THSD4: variants seen among roughly 807,000 people sequenced by gnomAD.
THSD4 encodes the protein thrombospondin type 1 domain containing 4, also known as thrombospondin type-1 domain-containing protein 4.
A neutral mutation model predicts 119.0 loss-of-function variants in THSD4; 69 were observed. The observed-to-expected ratio is 0.58, with a 90% confidence interval of 0.48 to 0.71. The LOEUF (loss-of-function observed/expected upper bound fraction) is 0.71. THSD4 is among the 30% of genes least tolerant of loss of function. THSD4 has a pLI of 0.00. For missense variants in THSD4, 1,393 were observed against 1,391.1 expected (o/e 1.00, Z -0.02); for synonymous variants, 524 against 540.4 (o/e 0.97, Z 0.42).
chr15:71,726,361 C>T (rs777773144), intron 8 of THSD4, among the ~76,000 whole-genome samples: 34 of 152,064 alleles, frequency 2.2e-4, no homozygotes, highest in Non-Finnish European at 3.8e-4. Context: ...TGTAGGAACG[C>T]GGCTGAAAAA....
At chr15:71,622,050 A>G (rs1280694428) in intron 7 of THSD4, among the ~76,000 whole-genome samples, 1 of 152,150 alleles carries the variant, frequency 6.6e-6, no homozygotes, top group Non-Finnish European at 1.5e-5. Flanking sequence ...GGTTCAGGTG[A>G]TCTTGGAGGA....
chr15:71,401,445 T>C (rs1332882718), intron 6 of THSD4, among the ~76,000 whole-genome samples: 1 of 152,214 alleles, frequency 6.6e-6, no homozygotes, highest in East Asian at 1.9e-4. Context: ...AGTCAAATAG[T>C]TCTAAAAGTT....
At chr15:71,697,949 G>T (rs1476665333) in intron 8 of THSD4, among the ~76,000 whole-genome samples, 1 of 151,560 alleles carries the variant, frequency 6.6e-6, no homozygotes, top group Non-Finnish European at 1.5e-5. Flanking sequence ...GATAATAGAT[G>T]AAATATGGCA....
chr15:71,250,603 T>C (rs2044249507), intron 5 of THSD4, among the ~76,000 whole-genome samples: 1 of 152,134 alleles, frequency 6.6e-6, no homozygotes, highest in Non-Finnish European at 1.5e-5. Context: ...CAGGCATGGG[T>C]CCACCACACC....
chr15:71,202,598 T>C (rs1298867724), intron 3 of THSD4, among the ~76,000 whole-genome samples: 2 of 152,218 alleles, frequency 1.3e-5, no homozygotes, highest in Non-Finnish European at 2.9e-5. Context: ...TAACTGGTTG[T>C]TCTAATTTTT....
chr15:71,153,465 G>A (rs1037724261), intron 2 of THSD4, among the ~76,000 whole-genome samples: 2 of 152,192 alleles, frequency 1.3e-5, no homozygotes, highest in South Asian at 2.1e-4. Flanking sequence ...CAAGAAGGAT[G>A]CCTGCAACAC....
At chr15:71,285,913 C>T (rs1045360413) in intron 6 of THSD4, among the ~76,000 whole-genome samples, 7 of 136,610 alleles carry the variant, frequency 5.1e-5, no homozygotes, top group African/African-American at 1.6e-4. Context: ...TAAAAATGTG[C>T]GTAGTTTCTT....
At chr15:71,405,034 G>A (rs1046292803) in intron 6 of THSD4, among the ~76,000 whole-genome samples, 1 of 152,040 alleles carries the variant, frequency 6.6e-6, no homozygotes, top group African/African-American at 2.4e-5. Context: ...GATTACAGAT[G>A]TGCGCAACCA....
At chr15:71,202,245 C>A (rs1232842556) in intron 3 of THSD4, among the ~76,000 whole-genome samples, 2 of 152,220 alleles carry the variant, frequency 1.3e-5, no homozygotes, top group South Asian at 4.1e-4. Context: ...GCCTTGTCAC[C>A]CAAATCTCTT....
chr15:71,566,555 G>A (rs1181783540), intron 7 of THSD4, among the ~76,000 whole-genome samples: 1 of 152,122 alleles, frequency 6.6e-6, no homozygotes, highest in Admixed American at 6.6e-5. Flanking sequence ...GAGTGATACC[G>A]TGCTGCCCCG....
chr15:71,687,169 T>A (rs1257929290), intron 8 of THSD4, among the ~76,000 whole-genome samples: 1 of 152,194 alleles, frequency 6.6e-6, no homozygotes, highest in East Asian at 1.9e-4. Flanking sequence ...CCCTAGAGAA[T>A]AAAAATTAAA....
chr15:71,523,142 A>G (rs1299355617), intron 7 of THSD4, among the ~76,000 whole-genome samples: 2 of 152,226 alleles, frequency 1.3e-5, no homozygotes, highest in Non-Finnish European at 1.5e-5. Flanking sequence ...GCTGTAACCA[A>G]TTACTACAAA....
intron 7 of THSD4, among the ~76,000 whole-genome samples, chr15:71,600,057 C>G (rs916129025): frequency 1.3e-5 from 2 of 152,212 alleles, no homozygotes; most frequent in African/African-American, 4.8e-5. Flanking sequence ...TCCAAAGTGA[C>G]TGATTTTGGG....
At chr15:71,477,852 A>G (rs1283528354) in intron 7 of THSD4, among the ~76,000 whole-genome samples, 1 of 152,206 alleles carries the variant, frequency 6.6e-6, no homozygotes, top group Non-Finnish European at 1.5e-5. Flanking sequence ...TCACTTGAAT[A>G]CAGGGTTCTG....
chr15:71,758,909 AC>A lies in THSD4; in HGVS notation c.2589+836del, dbSNP rs2053586589. On this transcript the variant is annotated intron_variant, in intron 15 of 17. Coordinates refer to ENST00000261862, the MANE Select transcript of THSD4 (RefSeq NM_024817.3). ...AGCAATTTGGCAATAAAAGTCAGGA[AC>A]CATAAAAATGTTCCTTTGCCTTAAC... 3.3e-5 allele frequency among the ~76,000 whole-genome samples: 5 copies of A among 152,360 alleles called. 1 individual carries two copies. Among genetic ancestry groups the A allele is most frequent in the African/African-American group, 1.2e-4 (5 of 41,574 alleles).
At chr15:71,290,200 T>C (rs2044771966) in intron 6 of THSD4, among the ~76,000 whole-genome samples, 1 of 152,196 alleles carries the variant, frequency 6.6e-6, no homozygotes, top group African/African-American at 2.4e-5. Context: ...ATGAGACATG[T>C]CTGTAGCCTT....
intron 7 of THSD4, among the ~76,000 whole-genome samples, chr15:71,469,809 A>G (rs891654605): frequency 1.3e-5 from 2 of 152,220 alleles, no homozygotes; most frequent in Admixed American, 6.5e-5. Context: ...CAGGCCTTCT[A>G]TCAATATTCG....
chr15:71,578,992 A>G (rs1042513210), intron 7 of THSD4, among the ~76,000 whole-genome samples: 5 of 151,670 alleles, frequency 3.3e-5, no homozygotes, highest in African/African-American at 1.2e-4. Context: ...TACAGGCACC[A>G]GCTATCACAC....
rs572322937 is a variant in THSD4 at position 71,735,163 on chromosome 15, A to G, written c.1631-2569A>G. Among the ~76,000 whole-genome samples the G allele has an allele frequency of 2.6e-5, 4 of 152,228 alleles. No homozygotes were observed. The South Asian group carries it at 8.3e-4, about 32-fold the overall frequency. On this transcript the variant is annotated intron_variant, in intron 10 of 17. Transcript: ENST00000261862. ...GATCTAGAGTCTTAGACAAGCCAAAACATTGGCTAGACCCCCCTGGTGGTC... is the reference window on the plus strand; with the variant it reads ...GATCTAGAGTCTTAGACAAGCCAAAGCATTGGCTAGACCCCCCTGGTGGTC...
Sources: gnomAD v4.1 joint callset for allele counts (sites outside exome capture counted in the v4.1 genomes callset) on GRCh38, gnomAD v4.1.1 for gene constraint, MANE v1.5 for transcripts, NCBI Gene and HGNC (gene_info 2026-07-23, HGNC 2026-07-21) for gene names.